ARHGAP26: variants seen among roughly 807,000 people sequenced by gnomAD.
ARHGAP26 encodes rho GTPase-activating protein 26.
Under a neutral mutation model 104.8 loss-of-function variants are expected in ARHGAP26, and 38 were observed. The observed-to-expected ratio is 0.36, with a 90% confidence interval of 0.28 to 0.48. The LOEUF is 0.48. ARHGAP26 is among the 20% of genes least tolerant of loss of function. The probability of loss-of-function intolerance (pLI) is 0.99; values close to 1 mark genes in which losing one functional copy is unlikely to be tolerated. For synonymous variants in ARHGAP26, 341 were observed against 340.0 expected (o/e 1.00, Z -0.03); for missense variants, 704 against 947.9 (o/e 0.74, Z 3.38).
At chr5:142,870,168 C>G (rs1755067834) in intron 1 of ARHGAP26, among the ~76,000 whole-genome samples, 1 of 152,222 alleles carries the variant, frequency 6.6e-6, no homozygotes, top group African/African-American at 2.4e-5. Context: ...TGCCACGACG[C>G]TTGGCATGCA....
At chr5:143,211,578 CTTT>C (rs71741022) in intron 21 of ARHGAP26, among the ~76,000 whole-genome samples, 11 of 143,932 alleles carry the variant, frequency 7.6e-5, no homozygotes, top group Admixed American at 6.9e-5. Flanking sequence ...TACCTACTTA[CTTT>C]TTTTTTTTTT....
intron 1 of ARHGAP26, among the ~76,000 whole-genome samples, chr5:142,784,459 T>A (rs1758139867): frequency 6.6e-6 from 1 of 152,220 alleles, no homozygotes; most frequent in Non-Finnish European, 1.5e-5. Flanking sequence ...GATCACCAGT[T>A]GAAGATAACT....
intron 17 of ARHGAP26, among the ~76,000 whole-genome samples, chr5:143,113,975 C>T (rs564889223): frequency 7.2e-5 from 11 of 152,260 alleles, no homozygotes; most frequent in South Asian, 2.1e-4. Context: ...TGACTTTGCC[C>T]GTCGTTAGCT....
chr5:143,193,069 A>C (rs540773453), intron 20 of ARHGAP26, among the ~76,000 whole-genome samples: 1 of 152,114 alleles, frequency 6.6e-6, no homozygotes, highest in Non-Finnish European at 1.5e-5. Flanking sequence ...TTTAAACTTC[A>C]TAGCATTCCA....
intron 11 of ARHGAP26, among the ~76,000 whole-genome samples, chr5:143,008,540 C>T (rs1778305358): frequency 6.6e-6 from 1 of 152,140 alleles, no homozygotes; most frequent in Non-Finnish European, 1.5e-5. Flanking sequence ...TTGGAGAAAA[C>T]CTCAGGGGAT....
chr5:143,043,791 T>C (rs73298554), intron 14 of ARHGAP26, among the ~76,000 whole-genome samples: 8,311 of 152,198 alleles, frequency 0.055, 751 homozygotes, highest in African/African-American at 0.19. Flanking sequence ...GAAATATGTG[T>C]GTATATGAAA....
intron 11 of ARHGAP26, among the ~76,000 whole-genome samples, chr5:142,973,443 T>A (rs1478265298): frequency 6.6e-6 from 1 of 152,236 alleles, no homozygotes; most frequent in African/African-American, 2.4e-5. Context: ...ATGCTCTTCC[T>A]TGTATATAAA....
At position 143,210,367 on chromosome 5, in the gene ARHGAP26, A is replaced by G. The variant is rs144081300; in HGVS notation, c.2099+3059A>G. On this transcript the variant is annotated intron_variant, in intron 21 of 22. Coordinates refer to ENST00000645722, the MANE Select transcript of ARHGAP26 (RefSeq NM_001135608.3). ...AGGAAAGACCGTCCCCAGTGATTCA[A>G]TCATCTCCCACCGAGTCTCTCCCAC... Among the ~76,000 whole-genome samples, 30 of 152,182 alleles carry G rather than the reference A, an allele frequency of 2.0e-4. No homozygotes were observed. The Middle Eastern group carries it at 0.01, about 52-fold the overall frequency.
chr5:143,051,923 C>T (rs183875964), intron 14 of ARHGAP26, among the ~76,000 whole-genome samples: 17 of 152,250 alleles, frequency 1.1e-4, no homozygotes, highest in African/African-American at 4.1e-4. Flanking sequence ...ACATTTGTCT[C>T]ACATCCAGGA....
chr5:142,938,183 G>T (rs1244158353), intron 11 of ARHGAP26, among the ~76,000 whole-genome samples: 1 of 152,074 alleles, frequency 6.6e-6, no homozygotes, highest in African/African-American at 2.4e-5. Context: ...GGATTATGGG[G>T]GGGGAAGTAG....
intron 9 of ARHGAP26, among the ~76,000 whole-genome samples, chr5:142,911,117 T>C (rs981097475): frequency 1.3e-5 from 2 of 152,178 alleles, no homozygotes; most frequent in African/African-American, 4.8e-5. Flanking sequence ...AGACCCTGTG[T>C]GTGACGGAAG....
chr5:142,820,532 A>G (rs1765952558), intron 1 of ARHGAP26, among the ~76,000 whole-genome samples: 1 of 152,158 alleles, frequency 6.6e-6, no homozygotes. Context: ...ACTTCAATTC[A>G]GTGTTAGAGA....
At position 142,791,941 on chromosome 5, in the gene ARHGAP26, C is replaced by CAAAAAAA. The variant is rs11397426; in HGVS notation, c.154+21041_154+21047dup. Among the ~76,000 whole-genome samples the CAAAAAAA allele has an allele frequency of 4.6e-5, 3 of 65,150 alleles. 1 individual carries two copies. The highest frequency in any genetic ancestry group is 1.1e-4 in the Non-Finnish European group (3 of 28,094). 42.7% of individuals were successfully genotyped at this position (65,150 alleles called of 152,430 possible). A position where few individuals can be genotyped will look rare whatever the true frequency, so the allele number is the denominator to read the frequency against. ...ATCACAACAAGAGCAAAACCCGTCT[C>CAAAAAAA]AAAAAAAAAAAAAAAAAAAAAGGTG... On this transcript the variant is annotated intron_variant, in intron 1 of 22. Transcript: ENST00000645722.
chr5:143,226,915 C>A lies in ARHGAP26; in HGVS notation c.*4469C>A, dbSNP rs115688610. On this transcript the variant is annotated 3_prime_UTR_variant, in exon 23 of 23. Coordinates refer to ENST00000645722, the MANE Select transcript of ARHGAP26 (RefSeq NM_001135608.3). ...TGCAGAGTTGTGTGTGCCATACCTGCGGCTCAAAGGGAAGGCCTTCTATCC... is the reference window on the plus strand; with the variant it reads ...TGCAGAGTTGTGTGTGCCATACCTGAGGCTCAAAGGGAAGGCCTTCTATCC... The A allele has an allele frequency of 3.5e-5, 8 of 226,626 alleles. No homozygotes were observed. Among genetic ancestry groups the A allele is most frequent in the Non-Finnish European group, 6.1e-5 (7 of 113,976 alleles). The allele number at this position is 226,626 out of a possible 1,614,324, so 14.0% of individuals were successfully genotyped here. A position where few individuals can be genotyped will look rare whatever the true frequency, so the allele number is the denominator to read the frequency against.
chr5:142,847,636 C>G (rs1422578190), intron 1 of ARHGAP26, among the ~76,000 whole-genome samples: 1 of 152,192 alleles, frequency 6.6e-6, no homozygotes, highest in South Asian at 2.1e-4. Context: ...GGATTATAGG[C>G]GTGAGCCACC....
chr5:142,888,960 T>C (rs1758099529), intron 5 of ARHGAP26, among the ~76,000 whole-genome samples: 1 of 152,214 alleles, frequency 6.6e-6, no homozygotes, highest in African/African-American at 2.4e-5. Flanking sequence ...GAAACTGTCT[T>C]GAGCGGTCTG....
intron 18 of ARHGAP26, among the ~76,000 whole-genome samples, chr5:143,132,451 A>T (rs921930929): frequency 6.6e-6 from 1 of 151,696 alleles, no homozygotes; most frequent in African/African-American, 2.4e-5. Context: ...AAAGAATAAG[A>T]GATGGTAATG....
intron 19 of ARHGAP26, among the ~76,000 whole-genome samples, chr5:143,139,007 G>A (rs1340648916): frequency 6.6e-6 from 1 of 152,156 alleles, no homozygotes; most frequent in African/African-American, 2.4e-5. Flanking sequence ...AGGGTTAGCT[G>A]TTGTGACCTA....
At chr5:142,936,560 T>C (rs912446204) in intron 11 of ARHGAP26, among the ~76,000 whole-genome samples, 1 of 152,104 alleles carries the variant, frequency 6.6e-6, no homozygotes, top group Non-Finnish European at 1.5e-5. Flanking sequence ...GAAACCAAAA[T>C]AGATAAAACA....
Sources: gnomAD v4.1 joint callset for allele counts (sites outside exome capture counted in the v4.1 genomes callset) on GRCh38, gnomAD v4.1.1 for gene constraint, MANE v1.5 for transcripts, NCBI Gene and HGNC (gene_info 2026-07-23, HGNC 2026-07-21) for gene names.